Variants in PTPN11 observed in about 807,000 individuals in gnomAD.
PTPN11 encodes protein tyrosine phosphatase non-receptor type 11.
Under a neutral mutation model 78.8 loss-of-function variants are expected in PTPN11, and 6 were observed. The ratio of observed to expected loss-of-function variants is 0.08; its 90% CI spans 0.04 to 0.15. The LOEUF is 0.15. PTPN11 is among the 10% of genes least tolerant of loss of function. The pLI is 1.00. For missense variants in PTPN11, 386 were observed against 744.8 expected, an observed-to-expected ratio of 0.52 and a Z score of 5.61; for synonymous variants, 221 against 263.5, an observed-to-expected ratio of 0.84 and a Z score of 1.56.
At chr12:112,486,810 A>G (rs2038685245) in intron 11 of PTPN11, 181 bp downstream of exon 11, 3 of 1,467,042 alleles carry the variant, frequency 2.0e-6, no homozygotes, top group African/African-American at 2.8e-5. Context: ...CCTAGACCCT[A>G]CAGCACTGCC....
At chr12:112,484,903 TAAAAA>T (rs1361264849) in intron 10 of PTPN11, among the ~76,000 whole-genome samples, 1 of 147,566 alleles carries the variant, frequency 6.8e-6, no homozygotes, top group Non-Finnish European at 1.5e-5. Flanking sequence ...TAAAATAAAA[TAAAAA>T]AATTAAAAAA....
intron 1 of PTPN11, among the ~76,000 whole-genome samples, chr12:112,424,782 C>T (rs1045856779): frequency 6.6e-6 from 1 of 151,966 alleles, no homozygotes; most frequent in Non-Finnish European, 1.5e-5. Flanking sequence ...CTCACTGCAA[C>T]CTCTGCCTCC....
At position 112,506,422 on chromosome 12, in the gene PTPN11, G is replaced by A. The variant is rs2038936323; in HGVS notation, c.*630G>A. ...AGAATCATGGATATTTATGAATTAA[G>A]GTAAGAGGTGTGGCTTTTTTTTTTT... is the stretch of plus-strand genomic sequence containing the variant. On this transcript the variant is annotated 3_prime_UTR_variant, in exon 16 of 16. Coordinates refer to ENST00000351677, the MANE Select transcript of PTPN11 (RefSeq NM_002834.5). 2 of 151,788 alleles carry A rather than the reference G, an allele frequency of 1.3e-5. No homozygotes were observed. The highest frequency in any genetic ancestry group is 4.1e-4 in the South Asian group (2 of 4,828). The allele number at this position is 151,788 out of a possible 1,614,324, so 9.4% of individuals were successfully genotyped here.
At chr12:112,480,092 T>C (rs193165101) in intron 9 of PTPN11, among the ~76,000 whole-genome samples, 4 of 152,326 alleles carry the variant, frequency 2.6e-5, no homozygotes. Context: ...CACGGGAGTT[T>C]AGAAACTAGG....
intron 1 of PTPN11, among the ~76,000 whole-genome samples, chr12:112,437,634 G>T (rs938136140): frequency 6.6e-6 from 1 of 152,070 alleles, no homozygotes; most frequent in Non-Finnish European, 1.5e-5. Context: ...ATTGGTATAG[G>T]TATCAGTGTT....
chr12:112,437,582 A>G (rs1051883859), intron 1 of PTPN11, among the ~76,000 whole-genome samples: 1 of 152,232 alleles, frequency 6.6e-6, no homozygotes, highest in Non-Finnish European at 1.5e-5. Context: ...ATCAATATTC[A>G]TGAGTACCAT....
At chr12:112,447,761 A>G (rs1296779498) in intron 2 of PTPN11, among the ~76,000 whole-genome samples, 1 of 151,396 alleles carries the variant, frequency 6.6e-6, no homozygotes, top group Non-Finnish European at 1.5e-5. Context: ...TGGCCTCCCA[A>G]AGTGCTGGAA....
intron 9 of PTPN11, among the ~76,000 whole-genome samples, chr12:112,478,457 TACGTGTATTAGACTACTTGAAGTTGTCTC>T (rs1193052479): frequency 2.0e-5 from 3 of 152,046 alleles, no homozygotes. Flanking sequence ...ACAGCAGTCA[TACGTGTATTAGACTACTTGAAGTTGTCTC>T]ATAGCCCACT....
intron 1 of PTPN11, among the ~76,000 whole-genome samples, chr12:112,424,311 T>C (rs1055964340): frequency 1.3e-5 from 2 of 152,064 alleles, no homozygotes; most frequent in African/African-American, 4.8e-5. Context: ...GGGAGGTAGG[T>C]GGGAGCAGAC....
chr12:112,433,400 AT>A (rs2037742315), intron 1 of PTPN11, among the ~76,000 whole-genome samples: 1 of 152,186 alleles, frequency 6.6e-6, no homozygotes, highest in African/African-American at 2.4e-5. Context: ...CAGTGACGAA[AT>A]CGCCTAATGA....
At chr12:112,488,639 C>A in intron 12 of PTPN11, 129 bp downstream of exon 12, 1 of 948,900 alleles carries the variant, frequency 1.1e-6, no homozygotes, top group Non-Finnish European at 1.7e-6. Flanking sequence ...GGGCTGAAGA[C>A]TTCAGTGTGT....
intron 5 of PTPN11, 148 bp downstream of exon 5, chr12:112,454,828 T>G (rs1229009848): frequency 1.4e-6 from 1 of 700,626 alleles, no homozygotes; most frequent in Admixed American, 2.0e-5. Context: ...CTTTTTTTTT[T>G]TTTTTTTTTT....
At chr12:112,500,294 A>G (rs1256587373) in intron 13 of PTPN11, among the ~76,000 whole-genome samples, 7 of 152,208 alleles carry the variant, frequency 4.6e-5, no homozygotes. Flanking sequence ...CTTCCATTTA[A>G]TATTTAATTT....
rs753951666 is a variant in PTPN11, at chr12:112,446,319, C to G, written c.58C>G (p.Leu20Val). 1 of 1,614,060 alleles carries G rather than the reference C, an allele frequency of 6.2e-7. No individual in the cohort carries two copies. The highest frequency in any genetic ancestry group is 1.7e-5 in the Admixed American group (1 of 60,018). The change falls in exon 2 of 16, where the codon CTG (leucine) becomes GTG (valine). Residue 20 changes from leucine to valine, a missense_variant. By Grantham distance (32) the Leu-to-Val change is conservative. Coordinates refer to ENST00000351677, the MANE Select transcript of PTPN11 (RefSeq NM_002834.5). ...NITGVEAENL[L>V]LTRGVDGSFL... ...CACTGGTGTGGAGGCAGAAAACCTA[C>G]TGTTGACAAGAGGAGTTGATGGCAG...
In PTPN11 at chr12:112,480,809, T is replaced by C. The variant is rs78882598; in HGVS notation, c.1093-1265T>C. 5.9e-3 allele frequency among the ~76,000 whole-genome samples: 895 copies of C among 152,366 alleles called. 11 individuals carry two copies. The highest frequency in any genetic ancestry group is 0.02 in the African/African-American group (843 of 41,580). ...TGTAAATTTCTCTGTCTTCCTAAGA[T>C]ACAAGGTAAATTTCTCTTGCTGATA... On this transcript the variant is annotated intron_variant, in intron 9 of 15. Transcript: ENST00000351677.
At position 112,453,527 on chromosome 12, in the gene PTPN11, G is replaced by A. The variant is rs893090964; in HGVS notation, c.525+140G>A. ...TTATTTATTTATTTATTTGAGACAGGGTCTTGCTCTATCACCTACAGATGG... is the reference window on the plus strand; with the variant it reads ...TTATTTATTTATTTATTTGAGACAGAGTCTTGCTCTATCACCTACAGATGG... On this transcript the variant is annotated intron_variant, in intron 4 of 15. Transcript: ENST00000351677. 4.0e-6 allele frequency: 3 copies of A among 747,642 alleles called. No individual in the cohort carries two copies. The East Asian group carries it at 8.5e-5, about 21-fold the overall frequency. The allele number at this position is 747,642 out of a possible 1,614,324, so 46.3% of individuals were successfully genotyped here.
At chr12:112,466,771 T>C (rs972317813) in intron 6 of PTPN11, among the ~76,000 whole-genome samples, 1 of 152,014 alleles carries the variant, frequency 6.6e-6, no homozygotes, top group Non-Finnish European at 1.5e-5. Context: ...GCCGTAATGG[T>C]GAGTGTCATT....
At chr12:112,436,703 T>G (rs1218355897) in intron 1 of PTPN11, among the ~76,000 whole-genome samples, 1 of 151,562 alleles carries the variant, frequency 6.6e-6, no homozygotes, top group African/African-American at 2.4e-5. Flanking sequence ...ATAATAGAAA[T>G]GAAGGCTTTT....
At chr12:112,502,347 A>G (rs2038886113) in intron 14 of PTPN11, 91 bp downstream of exon 14, 2 of 1,029,634 alleles carry the variant, frequency 1.9e-6, no homozygotes, top group South Asian at 2.5e-5. Flanking sequence ...ACAAGTTTGT[A>G]GCACATGCCT....
Sources: allele counts gnomAD v4.1 joint callset (sites outside exome capture counted in the v4.1 genomes callset), GRCh38; gene constraint gnomAD v4.1.1; transcripts MANE v1.5; gene names NCBI Gene and HGNC (gene_info 2026-07-23, HGNC 2026-07-21).